The following TPTE variants were observed in gnomAD, a reference collection of about 807,000 sequenced individuals.
TPTE encodes the protein transmembrane phosphatase with tensin homology.
Under a neutral mutation model 84.1 loss-of-function variants are expected in TPTE, and 59 were observed. The observed-to-expected ratio is 0.70, with a 90% CI of 0.57 to 0.87. The LOEUF is 0.87. Among genes scored for constraint, TPTE ranks in the 40% least tolerant of loss-of-function variants. The pLI, the probability that TPTE is intolerant of heterozygous loss-of-function variation, is 0.00. For synonymous variants in TPTE, 130 were observed against 223.5 expected (o/e 0.58, Z 3.73); for missense variants, 382 against 659.6 (o/e 0.58, Z 4.61).
At chr21:10,559,872 T>TAAAAAAAAAAAA (rs61583687) in intron 9 of TPTE, among the ~76,000 whole-genome samples, 2 of 117,114 alleles carry the variant, frequency 1.7e-5, no homozygotes, top group Non-Finnish European at 1.8e-5. Context: ...AGACTCCATG[T>TAAAAAAAAAAAA]AAAAAAAAAA....
At chr21:10,587,956 C>G (rs1174579040) in intron 17 of TPTE, among the ~76,000 whole-genome samples, 1 of 152,310 alleles carries the variant, frequency 6.6e-6, no homozygotes, top group Non-Finnish European at 1.5e-5. Context: ...TCAAGCGATT[C>G]TCCTGCCTCA....
At chr21:10,557,571 TGAG>T (rs1274031577) in intron 8 of TPTE, among the ~76,000 whole-genome samples, 7 of 152,424 alleles carry the variant, frequency 4.6e-5, no homozygotes, top group South Asian at 2.1e-4. Flanking sequence ...AATGGCAACT[TGAG>T]GAGAGAATTC....
chr21:10,537,532 GC>G (rs1439204160), intron 3 of TPTE, among the ~76,000 whole-genome samples: 1 of 152,296 alleles, frequency 6.6e-6, no homozygotes, highest in Non-Finnish European at 1.5e-5. Flanking sequence ...CAAAAAATTA[GC>G]CGGGTGTGGT....
At chr21:10,565,427 C>T (rs1262703052) in intron 10 of TPTE, among the ~76,000 whole-genome samples, 2 of 152,426 alleles carry the variant, frequency 1.3e-5, no homozygotes, top group Non-Finnish European at 2.9e-5. Flanking sequence ...AATGTCCATA[C>T]TCTCCAAAGC....
rs2074311312 is a variant in TPTE, at chr21:10,538,666, T to C, written c.-43-15T>C. 3.7e-6 allele frequency: 6 copies of C among 1,613,908 alleles called. No homozygotes were observed. Among genetic ancestry groups the C allele is most frequent in the Admixed American group, 1.7e-5 (1 of 60,004 alleles). The stretch of plus-strand genomic sequence containing the variant: ...TGTGTCTCCTGTCTGACTATATTCT[T>C]TTGACATCCTCTAGTCCACCCACAA... On this transcript the variant is annotated splice_polypyrimidine_tract_variant and intron_variant, in intron 3 of 23. Coordinates refer to ENST00000618007, the MANE Select transcript of TPTE (RefSeq NM_199261.4).
At chr21:10,566,008 G>T (rs1405800201) in intron 10 of TPTE, among the ~76,000 whole-genome samples, 1 of 152,310 alleles carries the variant, frequency 6.6e-6, no homozygotes, top group African/African-American at 2.4e-5. Flanking sequence ...ATGGGCAAAT[G>T]GGATCACATC....
intron 14 of TPTE, among the ~76,000 whole-genome samples, chr21:10,576,824 G>T (rs762849963): frequency 5.1e-4 from 71 of 139,724 alleles, no homozygotes; most frequent in Non-Finnish European, 7.8e-4. Flanking sequence ...CATTTTAAAG[G>T]TTATACATAT....
At chr21:10,537,091 A>G (rs1318519401) in intron 3 of TPTE, among the ~76,000 whole-genome samples, 3 of 152,310 alleles carry the variant, frequency 2.0e-5, no homozygotes, top group Non-Finnish European at 2.9e-5. Flanking sequence ...AATGGCAAAA[A>G]CAAGGCACTC....
chr21:10,578,992 A>G (rs1159379921), intron 17 of TPTE, among the ~76,000 whole-genome samples: 2 of 152,282 alleles, frequency 1.3e-5, no homozygotes, highest in African/African-American at 4.8e-5. Flanking sequence ...TAACAAATAA[A>G]AAACCAATAT....
chr21:10,592,364 T>C lies in TPTE; in HGVS notation c.1161T>C (p.Thr387=). 1 of 1,612,732 alleles carries C rather than the reference T, an allele frequency of 6.2e-7. No individual in the cohort carries two copies. Among genetic ancestry groups the C allele is most frequent in the East Asian group, 2.2e-5 (1 of 44,856 alleles). ...GCGAAAAATTTCAGGGAGTAAAAACTCCTTCTCAGGTAAGTTTTCTTTTTA... is the reference window on the plus strand; with the variant it reads ...GCGAAAAATTTCAGGGAGTAAAAACCCCTTCTCAGGTAAGTTTTCTTTTTA... The part of the protein sequence containing the change: ...THSEKFQGVK[T]PSQKRYVAYF... Residue 387 remains threonine (T), a synonymous_variant, in exon 19 of 24, where the codon ACT becomes ACC. Transcript: ENST00000618007.
At chr21:10,599,309 A>G (rs1276799480) in intron 21 of TPTE, among the ~76,000 whole-genome samples, 1 of 152,428 alleles carries the variant, frequency 6.6e-6, no homozygotes, top group East Asian at 1.9e-4. Context: ...TCCTTTGCTC[A>G]TGCCTAGATT....
intron 3 of TPTE, among the ~76,000 whole-genome samples, chr21:10,534,218 GC>G (rs1394872974): frequency 1.2e-4 from 18 of 152,310 alleles, no homozygotes; most frequent in African/African-American, 4.3e-4. Context: ...GAACAAAGCA[GC>G]ATTGGAGGAG....
intron 10 of TPTE, among the ~76,000 whole-genome samples, chr21:10,561,837 C>G (rs1339695078): frequency 6.6e-6 from 1 of 152,312 alleles, no homozygotes. Flanking sequence ...GGACACAGGC[C>G]TGGCTGTTTT....
intron 1 of TPTE, among the ~76,000 whole-genome samples, chr21:10,522,928 C>G (rs1452851709): frequency 6.6e-6 from 1 of 152,310 alleles, no homozygotes; most frequent in African/African-American, 2.4e-5. Flanking sequence ...AAATGTTCAT[C>G]TATTTGTTTT....
intron 7 of TPTE, among the ~76,000 whole-genome samples, chr21:10,546,458 GAGT>G (rs2074469630): frequency 1.3e-5 from 2 of 152,304 alleles, no homozygotes; most frequent in Admixed American, 1.3e-4. Flanking sequence ...GTGAAGGGAA[GAGT>G]CACATGTCTC....
chr21:10,525,671 A>G (rs2074065582), intron 2 of TPTE, among the ~76,000 whole-genome samples: 1 of 152,310 alleles, frequency 6.6e-6, no homozygotes, highest in Non-Finnish European at 1.5e-5. Flanking sequence ...AAAAGCATTT[A>G]AGAATTCTGC....
At chr21:10,582,350 A>C (rs2075286240) in intron 17 of TPTE, among the ~76,000 whole-genome samples, 1 of 152,312 alleles carries the variant, frequency 6.6e-6, no homozygotes, top group African/African-American at 2.4e-5. Flanking sequence ...AACTGTTCCT[A>C]AGTTCTCTCT....
chr21:10,566,317 C>T (rs1455364523), intron 10 of TPTE, among the ~76,000 whole-genome samples: 1 of 152,306 alleles, frequency 6.6e-6, no homozygotes, highest in African/African-American at 2.4e-5. Flanking sequence ...TATCATCTCA[C>T]CCCAGCTAAA....
intron 9 of TPTE, among the ~76,000 whole-genome samples, chr21:10,560,807 G>A (rs1198065848): frequency 6.6e-6 from 1 of 152,304 alleles, no homozygotes; most frequent in African/African-American, 2.4e-5. Flanking sequence ...CTTGTGAAGT[G>A]GTTTGGTGAG....
Sources: allele counts gnomAD v4.1 joint callset (sites outside exome capture counted in the v4.1 genomes callset), GRCh38; gene constraint gnomAD v4.1.1; transcripts MANE v1.5; gene names NCBI Gene and HGNC (gene_info 2026-07-23, HGNC 2026-07-21).